BCAR3: variants seen among roughly 807,000 people sequenced by gnomAD.
The protein encoded by BCAR3 is BCAR3 adaptor protein, NSP family member.
Under a neutral mutation model 80.1 loss-of-function variants are expected in BCAR3, and 37 were observed. The ratio of observed to expected loss-of-function variants is 0.46; its 90% CI spans 0.36 to 0.61. BCAR3 has a LOEUF of 0.61. BCAR3 is among the 20% of genes least tolerant of loss of function. The pLI, the probability that BCAR3 is intolerant of heterozygous loss-of-function variation, is 0.00. For missense variants in BCAR3, 978 were observed against 1,068.2 expected, an observed-to-expected ratio of 0.92 and a Z score of 1.18; for synonymous variants, 389 against 418.9, an observed-to-expected ratio of 0.93 and a Z score of 0.87.
At chr1:93,846,983 C>G (rs1329198041) in intron 1 of BCAR3, 3 of 212,908 alleles carry the variant, frequency 1.4e-5, no homozygotes, top group Non-Finnish European at 9.0e-6. Flanking sequence ...CGCGGCGGCG[C>G]TCGCGCGCAG....
intron 2 of BCAR3, among the ~76,000 whole-genome samples, chr1:93,823,746 G>A (rs1413981153): frequency 7.4e-6 from 1 of 134,502 alleles, no homozygotes; most frequent in Non-Finnish European, 1.7e-5. Flanking sequence ...CTGTGGCCAG[G>A]CTGGGTGCAG....
intron 1 of BCAR3, among the ~76,000 whole-genome samples, chr1:93,677,995 A>C (rs1197459800): frequency 6.6e-6 from 1 of 152,180 alleles, no homozygotes; most frequent in Non-Finnish European, 1.5e-5. Flanking sequence ...GCTCTCTCTT[A>C]CCATGGCTTC....
chr1:93,639,475 ATTTTT>A, intron 3 of BCAR3, among the ~76,000 whole-genome samples: 1 of 128,112 alleles, frequency 7.8e-6, no homozygotes, highest in African/African-American at 2.9e-5. Context: ...GGGGAGCAGC[ATTTTT>A]TTTTTTTTTT....
At chr1:93,790,627 T>G (rs1428240444) in intron 2 of BCAR3, among the ~76,000 whole-genome samples, 1 of 135,804 alleles carries the variant, frequency 7.4e-6, no homozygotes, top group Non-Finnish European at 1.5e-5. Context: ...TTTTTTTTTT[T>G]GTATTCATTT....
chr1:93,655,944 A>G (rs1434176975), intron 2 of BCAR3, among the ~76,000 whole-genome samples: 1 of 152,226 alleles, frequency 6.6e-6, no homozygotes, highest in Non-Finnish European at 1.5e-5. Flanking sequence ...GCATTTTTAG[A>G]TCTTAGGCTT....
chr1:93,595,745 T>C (rs1674394281), intron 3 of BCAR3, among the ~76,000 whole-genome samples: 1 of 152,228 alleles, frequency 6.6e-6, no homozygotes, highest in Non-Finnish European at 1.5e-5. Flanking sequence ...TATAACAAAT[T>C]GTGGCAAAAT....
chr1:93,838,789 C>T (rs983949829), intron 2 of BCAR3, among the ~76,000 whole-genome samples: 1 of 152,076 alleles, frequency 6.6e-6, no homozygotes, highest in Non-Finnish European at 1.5e-5. Flanking sequence ...GGTGTATTTG[C>T]TACTGGTTGT....
intron 3 of BCAR3, among the ~76,000 whole-genome samples, chr1:93,627,970 C>G (rs748102878): frequency 6.6e-6 from 1 of 151,790 alleles, no homozygotes; most frequent in Non-Finnish European, 1.5e-5. Flanking sequence ...CATAAAAACA[C>G]TATTAGAAAA....
intron 3 of BCAR3, chr1:93,605,720 A>G (rs192476419): frequency 6.6e-6 from 1 of 152,386 alleles, no homozygotes; most frequent in Non-Finnish European, 1.5e-5. Flanking sequence ...TTGCTCTTCA[A>G]TAAGAATGTC....
intron 2 of BCAR3, among the ~76,000 whole-genome samples, chr1:93,765,354 T>A (rs1018894341): frequency 2.0e-5 from 3 of 152,214 alleles, no homozygotes; most frequent in Non-Finnish European, 4.4e-5. Flanking sequence ...ATATTAATAC[T>A]ACCTACTGAG....
At chr1:93,763,104 G>T (rs1002725201) in intron 2 of BCAR3, among the ~76,000 whole-genome samples, 1 of 152,158 alleles carries the variant, frequency 6.6e-6, no homozygotes, top group Non-Finnish European at 1.5e-5. Context: ...ACAGGGTCTT[G>T]CTTGTTACAA....
chr1:93,819,823 T>C (rs891295333), intron 2 of BCAR3, among the ~76,000 whole-genome samples: 3 of 152,138 alleles, frequency 2.0e-5, no homozygotes, highest in Non-Finnish European at 2.9e-5. Flanking sequence ...CATGGGTAAA[T>C]TGTGTGTCAT....
Position 93,573,615 on chromosome 1 carries a change from A to ATTTGTTTTTTTTTTTT in BCAR3, c.1803-1775_1803-1774insAAAAAAAAAAAACAAA, listed in dbSNP as rs919862286. ...CATAGACCTAAAATATATTTTTATT[A>ATTTGTTTTTTTTTTTT]TTATTATTATTATTATTATTTTTTT... On this transcript the variant is annotated intron_variant, in intron 8 of 11. Transcript: ENST00000260502. 2.3e-5 allele frequency among the ~76,000 whole-genome samples: 3 copies of ATTTGTTTTTTTTTTTT among 129,798 alleles called. 1 individual carries two copies. Among genetic ancestry groups the ATTTGTTTTTTTTTTTT allele is most frequent in the Non-Finnish European group, 3.3e-5 (2 of 60,026 alleles). The allele number at this position is 129,798 out of a possible 152,430, so 85.2% of individuals were successfully genotyped here.
At chr1:93,741,713 C>G (rs138348340) in intron 2 of BCAR3, among the ~76,000 whole-genome samples, 1 of 152,016 alleles carries the variant, frequency 6.6e-6, no homozygotes, top group Non-Finnish European at 1.5e-5. Context: ...GGATTACAGG[C>G]GTGCACCACC....
At chr1:93,613,403 C>G (rs1442760589) in intron 3 of BCAR3, among the ~76,000 whole-genome samples, 1 of 152,100 alleles carries the variant, frequency 6.6e-6, no homozygotes, top group Non-Finnish European at 1.5e-5. Context: ...AACCTGGCTG[C>G]AATTTGAAAG....
chr1:93,745,515 C>T (rs576278131), intron 2 of BCAR3, among the ~76,000 whole-genome samples: 53 of 148,698 alleles, frequency 3.6e-4, no homozygotes, highest in Non-Finnish European at 6.8e-4. Context: ...TTCTCCTACC[C>T]CCCACCATTT....
At chr1:93,712,101 G>C (rs1302622892) in intron 2 of BCAR3, among the ~76,000 whole-genome samples, 2 of 152,222 alleles carry the variant, frequency 1.3e-5, no homozygotes, top group Non-Finnish European at 2.9e-5. Flanking sequence ...ACAAACTGGA[G>C]GTGGCTACTG....
intron 2 of BCAR3, among the ~76,000 whole-genome samples, chr1:93,833,133 C>T (rs1654634276): frequency 6.6e-6 from 1 of 152,132 alleles, no homozygotes; most frequent in South Asian, 2.1e-4. Context: ...AGAAATTTTA[C>T]AGCTGGGACT....
chr1:93,714,945 C>T (rs930579182), intron 2 of BCAR3, among the ~76,000 whole-genome samples: 6 of 152,162 alleles, frequency 3.9e-5, no homozygotes, highest in South Asian at 2.1e-4. Context: ...AATAAAATCT[C>T]CCATTCCATC....
Sources: gnomAD v4.1 joint callset for allele counts (sites outside exome capture counted in the v4.1 genomes callset) on GRCh38, gnomAD v4.1.1 for gene constraint, MANE v1.5 for transcripts, NCBI Gene and HGNC (gene_info 2026-07-23, HGNC 2026-07-21) for gene names.